The following TRAPPC9 variants were observed in gnomAD, a reference collection of about 807,000 sequenced individuals.
The protein encoded by TRAPPC9 is trafficking protein particle complex subunit 9.
In TRAPPC9, 83 loss-of-function variants were observed where a neutral mutation model predicts 124.0. That is an observed-to-expected ratio of 0.67 (90% confidence interval 0.56 to 0.80). The LOEUF is 0.80. Among genes scored for constraint, TRAPPC9 ranks in the 30% least tolerant of loss-of-function variants. TRAPPC9 has a pLI of 0.00. For synonymous variants in TRAPPC9, 638 were observed against 617.5 expected (o/e 1.03, Z -0.49); for missense variants, 1,302 against 1,508.3 (o/e 0.86, Z 2.27).
At chr8:140,060,387 G>A (rs965480267) in intron 17 of TRAPPC9, among the ~76,000 whole-genome samples, 1 of 152,220 alleles carries the variant, frequency 6.6e-6, no homozygotes, top group African/African-American at 2.4e-5. Context: ...ATTCAGCAAT[G>A]GCCTTGTGGT....
intron 18 of TRAPPC9, among the ~76,000 whole-genome samples, chr8:140,011,885 C>T (rs1038843989): frequency 1.1e-4 from 17 of 151,926 alleles, no homozygotes; most frequent in Non-Finnish European, 2.2e-4. Context: ...ACCATGTTGG[C>T]CAGGCTGGTC....
At chr8:139,758,786 A>G (rs1289862841) in intron 21 of TRAPPC9, among the ~76,000 whole-genome samples, 3 of 152,156 alleles carry the variant, frequency 2.0e-5, no homozygotes, top group Non-Finnish European at 2.9e-5. Flanking sequence ...AGGTAGCGAA[A>G]CCGGGTTATG....
At chr8:140,293,287 C>T (rs1049823712) in intron 11 of TRAPPC9, among the ~76,000 whole-genome samples, 5 of 151,132 alleles carry the variant, frequency 3.3e-5, no homozygotes, top group African/African-American at 9.8e-5. Flanking sequence ...CTAGTTCAAC[C>T]ATTGTGGAAG....
intron 14 of TRAPPC9, among the ~76,000 whole-genome samples, chr8:140,279,563 T>C (rs982902318): frequency 3.9e-5 from 6 of 152,200 alleles, no homozygotes; most frequent in African/African-American, 1.4e-4. Flanking sequence ...CTCCAGCCCC[T>C]GGTCCTCATC....
intron 17 of TRAPPC9, among the ~76,000 whole-genome samples, chr8:140,027,471 C>G (rs1396924330): frequency 6.6e-6 from 1 of 151,926 alleles, no homozygotes; most frequent in Non-Finnish European, 1.5e-5. Flanking sequence ...AAAGAAATCA[C>G]CTGGGGAATG....
rs562628447 is a variant in TRAPPC9, at chr8:139,805,816, G to A, written c.3056-73614C>T. On this transcript the variant is annotated intron_variant, in intron 21 of 22. Coordinates refer to ENST00000438773, the MANE Select transcript of TRAPPC9 (RefSeq NM_001160372.4). The stretch of plus-strand genomic sequence containing the variant: ...AGACGAAAATACACAGAACGAAGAA[G>A]GAGGGCTCATGATACACTTTAAAGT... Among the ~76,000 whole-genome samples the A allele has an allele frequency of 1.3e-4, 20 of 152,314 alleles. No homozygotes were observed. The South Asian group carries it at 3.9e-3, about 30-fold the overall frequency.
chr8:139,938,801 ACG>A (rs1833710530), intron 19 of TRAPPC9, among the ~76,000 whole-genome samples: 2 of 149,328 alleles, frequency 1.3e-5, no homozygotes, highest in Non-Finnish European at 3.0e-5. Flanking sequence ...GCCCGCCACC[ACG>A]CCCGGCTAAT....
intron 21 of TRAPPC9, among the ~76,000 whole-genome samples, chr8:139,843,517 C>T (rs76279940): frequency 0.091 from 13,858 of 152,218 alleles, 835 homozygotes; most frequent in East Asian, 0.19. Context: ...TGTTCTTCCA[C>T]GGCCAAAGGG....
chr8:139,805,673 A>G (rs1376355619), intron 21 of TRAPPC9, among the ~76,000 whole-genome samples: 3 of 152,234 alleles, frequency 2.0e-5, no homozygotes, highest in East Asian at 3.8e-4. Flanking sequence ...AGAGTCCACA[A>G]GAGGAGTTAT....
intron 7 of TRAPPC9, among the ~76,000 whole-genome samples, chr8:140,372,201 G>C (rs1230815852): frequency 6.6e-6 from 1 of 152,228 alleles, no homozygotes; most frequent in Non-Finnish European, 1.5e-5. Context: ...CCACTGCACA[G>C]CGCCTTCAGA....
In TRAPPC9 at chr8:139,751,320, C is replaced by T. The variant is rs571441494; in HGVS notation, c.3056-19118G>A. Among the ~76,000 whole-genome samples, 26 of 152,272 alleles carry T rather than the reference C, an allele frequency of 1.7e-4. No individual in the cohort carries two copies. In the South Asian group the frequency reaches 5.4e-3, roughly 32 times the overall value. The stretch of plus-strand genomic sequence containing the variant: ...AGGCTGGGGATGCCCAGGGGCCAGG[C>T]CCACAGCACCTGGGATTGACCCCCG... On this transcript the variant is annotated intron_variant, in intron 21 of 22. Transcript: ENST00000438773.
intron 19 of TRAPPC9, among the ~76,000 whole-genome samples, chr8:139,925,704 C>T (rs1192944749): frequency 2.7e-5 from 4 of 149,934 alleles, no homozygotes; most frequent in African/African-American, 4.9e-5. Context: ...GCTGAGATCA[C>T]GTCACTGCAC....
rs373413967 is a variant in TRAPPC9 at position 139,886,009 on chromosome 8, C to T, written c.2965-40G>A. 28 of 1,538,268 alleles carry T rather than the reference C, an allele frequency of 1.8e-5. 1 individual carries two copies. In the East Asian group the frequency reaches 2.7e-4, roughly 15 times the overall value. On this transcript the variant is annotated intron_variant, in intron 20 of 22. Transcript: ENST00000438773. The stretch of plus-strand genomic sequence containing the variant: ...AGGAAAACGCAACTCCTGCGGAGCC[C>T]AGGGACAGAAGAACGTCTAGAAGTC...
At chr8:140,276,280 G>A (rs536152262) in intron 14 of TRAPPC9, among the ~76,000 whole-genome samples, 1 of 152,304 alleles carries the variant, frequency 6.6e-6, no homozygotes, top group Non-Finnish European at 1.5e-5. Flanking sequence ...CTAACATAGA[G>A]CTGAGGCCAA....
At chr8:140,170,020 G>C (rs1442232889) in intron 17 of TRAPPC9, among the ~76,000 whole-genome samples, 1 of 152,172 alleles carries the variant, frequency 6.6e-6, no homozygotes, top group Non-Finnish European at 1.5e-5. Flanking sequence ...CTACAGGTGT[G>C]AGCCACTGTG....
At chr8:139,810,260 C>A (rs1195051303) in intron 21 of TRAPPC9, among the ~76,000 whole-genome samples, 1 of 152,124 alleles carries the variant, frequency 6.6e-6, no homozygotes. Context: ...GAGGCGACGC[C>A]AAGGAGACAA....
chr8:139,981,860 A>G (rs1238643116), intron 19 of TRAPPC9, among the ~76,000 whole-genome samples: 1 of 152,174 alleles, frequency 6.6e-6, no homozygotes, highest in Non-Finnish European at 1.5e-5. Context: ...ACACAGCCAG[A>G]GCTGGCCGCT....
At chr8:140,349,628 G>C (rs2067483989) in intron 9 of TRAPPC9, among the ~76,000 whole-genome samples, 1 of 152,194 alleles carries the variant, frequency 6.6e-6, no homozygotes, top group Non-Finnish European at 1.5e-5. Flanking sequence ...GAGGCGGCAG[G>C]AGGGAGCGGG....
intron 17 of TRAPPC9, among the ~76,000 whole-genome samples, chr8:140,132,649 T>G (rs2061228691): frequency 6.6e-6 from 1 of 152,264 alleles, no homozygotes; most frequent in East Asian, 1.9e-4. Flanking sequence ...GAAAAGACCT[T>G]AGCCCTGGAG....
Sources: gnomAD v4.1 joint callset for allele counts (sites outside exome capture counted in the v4.1 genomes callset) on GRCh38, gnomAD v4.1.1 for gene constraint, MANE v1.5 for transcripts, NCBI Gene and HGNC (gene_info 2026-07-23, HGNC 2026-07-21) for gene names.